Variants in WDR64 observed in about 807,000 individuals in gnomAD.
The protein encoded by WDR64 is WD repeat-containing protein 64.
WDR64 carries 112 observed loss-of-function variants against 139.3 expected under a neutral mutation model. The ratio of observed to expected loss-of-function variants is 0.80; its 90% CI spans 0.69 to 0.94. The LOEUF (loss-of-function observed/expected upper bound fraction) is 0.94, where lower values mean the gene tolerates loss of function less well. Among genes scored for constraint, WDR64 ranks in the 40% least tolerant of loss-of-function variants. The pLI, the probability that WDR64 is intolerant of heterozygous loss-of-function variation, is 0.00. For synonymous variants in WDR64, 444 were observed against 437.7 expected (o/e 1.01, Z -0.18); for missense variants, 1,206 against 1,293.1 (o/e 0.93, Z 1.03).
intron 21 of WDR64, among the ~76,000 whole-genome samples, chr1:241,778,735 C>T (rs1416895907): frequency 1.3e-5 from 2 of 152,032 alleles, no homozygotes; most frequent in Non-Finnish European, 2.9e-5. Context: ...CACAATTAGC[C>T]TGTGCCTATT....
At chr1:241,678,559 C>T (rs915667167) in intron 5 of WDR64, among the ~76,000 whole-genome samples, 4 of 151,580 alleles carry the variant, frequency 2.6e-5, no homozygotes, top group Non-Finnish European at 5.9e-5. Context: ...AGGAGGTGGC[C>T]CATGGAAATA....
intron 10 of WDR64, among the ~76,000 whole-genome samples, chr1:241,733,491 A>AAAGAAAAGAG (rs140945100): frequency 0.12 from 17,933 of 151,430 alleles, 1,212 homozygotes; most frequent in East Asian, 0.28. Flanking sequence ...AAAGAAAAGA[A>AAAGAAAAGAG]AAGAGAAGAG....
At chr1:241,708,782 C>T (rs546059314) in intron 8 of WDR64, among the ~76,000 whole-genome samples, 1 of 148,666 alleles carries the variant, frequency 6.7e-6, no homozygotes, top group African/African-American at 2.5e-5. Context: ...TCAAGCGATC[C>T]TCCTACCTCG....
intron 8 of WDR64, among the ~76,000 whole-genome samples, chr1:241,692,028 T>TAAAAAAAAAAAAAAAAAAA (rs77284427): frequency 8.8e-6 from 1 of 113,734 alleles, no homozygotes; most frequent in South Asian, 2.7e-4. Context: ...AATAAAAAAA[T>TAAAAAAAAAAAAAAAAAAA]AAAAAAAAAA....
At chr1:241,796,470 C>T in intron 27 of WDR64, 100 bp downstream of exon 27, 1 of 788,280 alleles carries the variant, frequency 1.3e-6, no homozygotes, top group Non-Finnish European at 2.0e-6. Context: ...ACATTCTGAA[C>T]CTAAAATCAT....
At chr1:241,764,330 G>A (rs1005099210) in intron 15 of WDR64, among the ~76,000 whole-genome samples, 5 of 152,080 alleles carry the variant, frequency 3.3e-5, no homozygotes. Flanking sequence ...GAAGATTCAG[G>A]CAACAGGCTA....
intron 6 of WDR64, among the ~76,000 whole-genome samples, chr1:241,681,546 C>T (rs1270108318): frequency 1.3e-5 from 2 of 152,174 alleles, no homozygotes; most frequent in Non-Finnish European, 2.9e-5. Flanking sequence ...GGGTTGGTTT[C>T]ACATTTTTGC....
intron 20 of WDR64, among the ~76,000 whole-genome samples, chr1:241,773,694 C>A (rs1658546476): frequency 6.6e-6 from 1 of 152,190 alleles, no homozygotes; most frequent in Admixed American, 6.5e-5. Flanking sequence ...TCTCAAACTC[C>A]TGACCTCGTG....
intron 10 of WDR64, among the ~76,000 whole-genome samples, chr1:241,727,027 C>T (rs1359371285): frequency 6.6e-6 from 1 of 152,084 alleles, no homozygotes; most frequent in Admixed American, 6.5e-5. Flanking sequence ...GCTGGGATTA[C>T]AGGCTCCTGC....
At chr1:241,786,422 C>T (rs972933683) in intron 23 of WDR64, among the ~76,000 whole-genome samples, 1 of 152,136 alleles carries the variant, frequency 6.6e-6, no homozygotes, top group Non-Finnish European at 1.5e-5. Flanking sequence ...TTTATGTTCC[C>T]ATATGGCCTA....
chr1:241,776,413 C>T (rs1416706853), intron 21 of WDR64, among the ~76,000 whole-genome samples: 1 of 152,100 alleles, frequency 6.6e-6, no homozygotes, highest in African/African-American at 2.4e-5. Flanking sequence ...TACAACAAAC[C>T]ATTTCGTACT....
At chr1:241,781,039 A>G (rs1017928113) in intron 22 of WDR64, among the ~76,000 whole-genome samples, 3 of 152,180 alleles carry the variant, frequency 2.0e-5, no homozygotes, top group Admixed American at 2.0e-4. Context: ...GTATGCTTGA[A>G]CCATATATAG....
chr1:241,723,570 G>A lies in WDR64; in HGVS notation c.1194+134G>A, dbSNP rs141025685. On this transcript the variant is annotated intron_variant, in intron 10 of 27. Coordinates refer to ENST00000437684, the MANE Select transcript of WDR64 (RefSeq NM_001367482.1). The stretch of plus-strand genomic sequence containing the variant: ...TCATTGAGAAAAATATTGTCAGTAT[G>A]GAAAAGGAAATGATAAGCCAATGTT... The A allele has an allele frequency of 8.5e-4, 860 of 1,015,962 alleles. 7 individuals are homozygous for A. The African/African-American group carries it at 0.013, about 16-fold the overall frequency. 62.9% of individuals were successfully genotyped at this position (1,015,962 alleles called of 1,614,324 possible).
chr1:241,791,676 A>G (rs1418763), intron 25 of WDR64, among the ~76,000 whole-genome samples: 33,441 of 118,860 alleles, frequency 0.28, 3,987 homozygotes, highest in East Asian at 0.45. Flanking sequence ...TGTCTGGGGG[A>G]AAAAAAAAAA....
At chr1:241,744,011 C>T (rs74490012) in intron 12 of WDR64, among the ~76,000 whole-genome samples, 14 of 152,110 alleles carry the variant, frequency 9.2e-5, no homozygotes, top group African/African-American at 3.4e-4. Context: ...GTCCCATGAT[C>T]CCTGGATAAC....
intron 12 of WDR64, among the ~76,000 whole-genome samples, chr1:241,742,756 G>A (rs1452696568): frequency 2.0e-5 from 3 of 152,086 alleles, no homozygotes; most frequent in African/African-American, 7.2e-5. Context: ...ATTCTTTCTT[G>A]TGTGAGATCC....
At chr1:241,771,941 C>CATATATATATAT (rs1359575397) in intron 19 of WDR64, among the ~76,000 whole-genome samples, 1 of 28,958 alleles carries the variant, frequency 3.5e-5, no homozygotes, top group African/African-American at 1.5e-4. Flanking sequence ...TACATACATA[C>CATATATATATAT]ATACATATAT....
chr1:241,741,801 C>T (rs1439559306), intron 12 of WDR64, 137 bp downstream of exon 12: 12 of 975,592 alleles, frequency 1.2e-5, no homozygotes, highest in Non-Finnish European at 1.7e-5. Flanking sequence ...GATTTTTAAG[C>T]TTCCATGAGT....
intron 14 of WDR64, 92 bp from the exon 15 acceptor site, chr1:241,757,190 AC>A (rs1574073173): frequency 8.9e-7 from 1 of 1,123,474 alleles, no homozygotes; most frequent in Non-Finnish European, 1.2e-6. Context: ...GATGGTAGAT[AC>A]ATCATTGTAG....
Sources: gnomAD v4.1 joint callset for allele counts (sites outside exome capture counted in the v4.1 genomes callset) on GRCh38, gnomAD v4.1.1 for gene constraint, MANE v1.5 for transcripts, NCBI Gene and HGNC (gene_info 2026-07-23, HGNC 2026-07-21) for gene names.